SLC25A48: variants seen among roughly 807,000 people sequenced by gnomAD.
The protein encoded by SLC25A48 is solute carrier family 25 member 48.
SLC25A48 carries 29 observed loss-of-function variants against 32.2 expected under a neutral mutation model. That is an observed-to-expected ratio of 0.90 (90% CI 0.67 to 1.23). The LOEUF (loss-of-function observed/expected upper bound fraction) is 1.23, where lower values mean the gene tolerates loss of function less well. Ranked by LOEUF, SLC25A48 falls within the 50% of genes most tolerant of loss-of-function variation. The pLI, the probability that SLC25A48 is intolerant of heterozygous loss-of-function variation, is 0.00. For synonymous variants in SLC25A48, 164 were observed against 172.3 expected (o/e 0.95, Z 0.38); for missense variants, 399 against 422.7 (o/e 0.94, Z 0.49).
At chr5:135,794,312 G>A (rs1032048523) in intron 3 of SLC25A48, among the ~76,000 whole-genome samples, 1 of 151,344 alleles carries the variant, frequency 6.6e-6, no homozygotes, top group Non-Finnish European at 1.5e-5. Flanking sequence ...AATATCCAGG[G>A]GGTGAGAGGA....
At chr5:135,840,931 T>C (rs1241949750) in intron 1 of SLC25A48, among the ~76,000 whole-genome samples, 1 of 152,198 alleles carries the variant, frequency 6.6e-6, no homozygotes, top group Non-Finnish European at 1.5e-5. Flanking sequence ...TGGGTATATA[T>C]GTAGGAATTG....
In SLC25A48 at chr5:135,886,685, A is replaced by T. The variant is rs1463796985; in HGVS notation, c.*8-1347A>T. On this transcript the variant is annotated intron_variant, in intron 7 of 7. Coordinates refer to ENST00000681962, the MANE Select transcript of SLC25A48 (RefSeq NM_001349336.2). ...GTGTGTGTGTGTGTGAGAGAGAGAG[A>T]GAGAGAGAGAGAGAGAGTGTGTGTG... Among the ~76,000 whole-genome samples, 53 of 139,398 alleles carry T rather than the reference A, an allele frequency of 3.8e-4. 2 individuals are homozygous for T. Among genetic ancestry groups the T allele is most frequent in the African/African-American group, 1.4e-3 (52 of 37,902 alleles). The allele number at this position is 139,398 out of a possible 152,430, so 91.5% of individuals were successfully genotyped here.
At chr5:135,742,957 T>TCCCCCCCCC (rs1755534704) in intron 3 of SLC25A48, among the ~76,000 whole-genome samples, 1 of 12,902 alleles carries the variant, frequency 7.8e-5, no homozygotes, top group African/African-American at 4.9e-4. Context: ...TCTGGAGACC[T>TCCCCCCCCC]CCCCCTCCCC....
intron 1 of SLC25A48, among the ~76,000 whole-genome samples, chr5:135,594,274 C>T (rs1751594562): frequency 6.6e-6 from 1 of 152,180 alleles, no homozygotes; most frequent in Non-Finnish European, 1.5e-5. Flanking sequence ...TTAAATTTCC[C>T]TTGGGAGAAA....
intron 7 of SLC25A48, among the ~76,000 whole-genome samples, chr5:135,886,251 C>A (rs1412181184): frequency 6.6e-6 from 1 of 152,020 alleles, no homozygotes; most frequent in East Asian, 1.9e-4. Flanking sequence ...GCTGGCTCTT[C>A]CTCGCTGCCC....
chr5:135,662,516 G>T (rs1166565053), intron 3 of SLC25A48, among the ~76,000 whole-genome samples: 1 of 152,130 alleles, frequency 6.6e-6, no homozygotes, highest in Non-Finnish European at 1.5e-5. Context: ...CCAAATAAGA[G>T]GCCCATCTGT....
chr5:135,852,439 A>G, intron 3 of SLC25A48, 124 bp from the exon 4 acceptor site: 1 of 1,224,156 alleles, frequency 8.2e-7, no homozygotes, highest in Non-Finnish European at 1.1e-6. Context: ...TCGCATCAGC[A>G]CCCTCTTCCC....
upstream of SLC25A48, among the ~76,000 whole-genome samples, chr5:135,833,473 C>G (rs1292625544): frequency 1.3e-5 from 2 of 152,234 alleles, no homozygotes; most frequent in Non-Finnish European, 2.9e-5. Context: ...ACCTGCATTT[C>G]TCATAGCAGC....
upstream of SLC25A48, among the ~76,000 whole-genome samples, chr5:135,833,702 C>G (rs1758295049): frequency 6.6e-6 from 1 of 152,218 alleles, no homozygotes; most frequent in Non-Finnish European, 1.5e-5. Context: ...GGTCCACTCT[C>G]TGTGTGCCGG....
At chr5:135,800,414 G>A (rs1364370723) in intron 3 of SLC25A48, among the ~76,000 whole-genome samples, 1 of 151,894 alleles carries the variant, frequency 6.6e-6, no homozygotes, top group African/African-American at 2.4e-5. Context: ...AAGCTAAGCA[G>A]ATGATATTAC....
intron 3 of SLC25A48, among the ~76,000 whole-genome samples, chr5:135,783,901 T>C (rs2126624624): frequency 8.4e-6 from 1 of 118,796 alleles, no homozygotes; most frequent in South Asian, 3.0e-4. Flanking sequence ...GAGAAAATGA[T>C]ATTATTCCCA....
chr5:135,700,371 C>CAAAAAA (rs34125451), intron 3 of SLC25A48, among the ~76,000 whole-genome samples: 29 of 67,514 alleles, frequency 4.3e-4, no homozygotes, highest in East Asian at 4.8e-4. Flanking sequence ...GACTCTGTCT[C>CAAAAAA]AAAAAAAAAA....
chr5:135,804,322 C>A (rs1757409674), intron 3 of SLC25A48, among the ~76,000 whole-genome samples: 2 of 151,610 alleles, frequency 1.3e-5, no homozygotes, highest in African/African-American at 4.8e-5. Flanking sequence ...ATGGTGTATA[C>A]CCCCGGCGAC....
At chr5:135,716,582 A>T (rs529231919) in intron 3 of SLC25A48, among the ~76,000 whole-genome samples, 1 of 152,146 alleles carries the variant, frequency 6.6e-6, no homozygotes, top group African/African-American at 2.4e-5. Flanking sequence ...CCCTTAGTAG[A>T]TGTCTGGCCT....
chr5:135,816,424 C>T (rs943682080), intron 4 of SLC25A48, among the ~76,000 whole-genome samples: 3 of 152,200 alleles, frequency 2.0e-5, no homozygotes, highest in East Asian at 3.8e-4. Context: ...TTAAACACTT[C>T]GCTTCAGAAT....
chr5:135,883,591 C>A, intron 7 of SLC25A48: 1 of 627,368 alleles, frequency 1.6e-6, no homozygotes, highest in Non-Finnish European at 2.0e-6. Flanking sequence ...AGGAGAGAAA[C>A]TGAGCCGGGG....
chr5:135,737,332 G>A (rs893161837), intron 3 of SLC25A48, among the ~76,000 whole-genome samples: 7 of 152,092 alleles, frequency 4.6e-5, no homozygotes, highest in African/African-American at 1.2e-4. Context: ...AGGATGAGCC[G>A]GGAGAAGGAA....
chr5:135,675,364 T>C (rs1253227941), intron 3 of SLC25A48, among the ~76,000 whole-genome samples: 1 of 152,072 alleles, frequency 6.6e-6, no homozygotes, highest in Non-Finnish European at 1.5e-5. Context: ...TTTATCTGTT[T>C]CTGTTTTTGT....
chr5:135,772,881 G>A (rs573763791), intron 3 of SLC25A48, among the ~76,000 whole-genome samples: 1 of 151,636 alleles, frequency 6.6e-6, no homozygotes, highest in Non-Finnish European at 1.5e-5. Context: ...ATTGCAGGGG[G>A]TGTACACTCC....
Sources: gnomAD v4.1 joint callset for allele counts (sites outside exome capture counted in the v4.1 genomes callset) on GRCh38, gnomAD v4.1.1 for gene constraint, MANE v1.5 for transcripts, NCBI Gene and HGNC (gene_info 2026-07-23, HGNC 2026-07-21) for gene names.